Variants in CD96 observed in about 807,000 individuals in gnomAD.
CD96 encodes the protein CD96 molecule, also known as T-cell surface protein tactile.
CD96 carries 70 observed loss-of-function variants against 71.3 expected under a neutral mutation model. The observed-to-expected ratio is 0.98, with a 90% CI of 0.81 to 1.20. The LOEUF (loss-of-function observed/expected upper bound fraction) is 1.20. CD96 is among the 50% of genes most tolerant of loss of function. The pLI, the probability that CD96 is intolerant of heterozygous loss-of-function variation, is 0.00. For synonymous variants in CD96, 248 were observed against 233.0 expected, an observed-to-expected ratio of 1.06 and a Z score of -0.59; for missense variants, 742 against 677.5, an observed-to-expected ratio of 1.10 and a Z score of -1.06.
intron 3 of CD96, among the ~76,000 whole-genome samples, chr3:111,574,129 T>C (rs532610001): frequency 6.6e-6 from 1 of 152,318 alleles, no homozygotes; most frequent in Non-Finnish European, 1.5e-5. Flanking sequence ...GAATGAGCTC[T>C]GTACACTCAG....
intron 3 of CD96, among the ~76,000 whole-genome samples, chr3:111,571,907 A>G (rs1391691118): frequency 1.3e-5 from 2 of 152,166 alleles, no homozygotes; most frequent in Non-Finnish European, 2.9e-5. Flanking sequence ...AAATAAGTGG[A>G]GGGAACAAAC....
At chr3:111,653,104 A>G (rs1940145945), downstream of CD96, among the ~76,000 whole-genome samples, 1 of 152,186 alleles carries the variant, frequency 6.6e-6, no homozygotes, top group South Asian at 2.1e-4. Flanking sequence ...TATCATGGGC[A>G]CGACTAACCC....
intron 10 of CD96, among the ~76,000 whole-genome samples, chr3:111,625,011 G>C (rs1026513031): frequency 2.0e-5 from 3 of 152,212 alleles, no homozygotes; most frequent in African/African-American, 7.2e-5. Context: ...TAAGGAAGGA[G>C]GCTGGAGCAA....
chr3:111,562,679 A>C (rs1935511198), intron 2 of CD96, among the ~76,000 whole-genome samples: 1 of 152,218 alleles, frequency 6.6e-6, no homozygotes, highest in Non-Finnish European at 1.5e-5. Context: ...CTCTTTATGC[A>C]TAGATTTGTG....
At chr3:111,637,147 G>A (rs1356541130) in intron 10 of CD96, 49 bp from the exon 11 acceptor site, 2 of 920,294 alleles carry the variant, frequency 2.2e-6, no homozygotes, top group African/African-American at 3.3e-5. Flanking sequence ...TCAAGAAGTG[G>A]TAATATAGTC....
intron 13 of CD96, 50 bp from the exon 14 acceptor site, chr3:111,649,648 A>C (rs765640469): frequency 4.7e-6 from 5 of 1,073,190 alleles, no homozygotes; most frequent in East Asian, 4.7e-5. Flanking sequence ...GTGTGTGTGC[A>C]TAAGACTCCC....
At chr3:111,570,642 T>C in intron 3 of CD96, 3 of 1,605,094 alleles carry the variant, frequency 1.9e-6, no homozygotes, top group Middle Eastern at 1.7e-4. Context: ...AGCTCACACG[T>C]ACATGGCCCG....
rs1441131053 is a variant in CD96 at position 111,650,009 on chromosome 3, G to A, written c.*203G>A. 5.0e-6 allele frequency: 3 copies of A among 602,728 alleles called. No homozygotes were observed. In the African/African-American group the frequency reaches 5.5e-5, roughly 11 times the overall value. The allele number at this position is 602,728 out of a possible 1,614,324, so 37.3% of individuals were successfully genotyped here. On this transcript the variant is annotated 3_prime_UTR_variant, in exon 14 of 14. Transcript: ENST00000352690. ...AGCTTAACCAAGAGTGAGAGGATAT[G>A]TCATGTTCACACTCAATGCAATTCG...
At chr3:111,649,242 G>A (rs545132719) in intron 13 of CD96, among the ~76,000 whole-genome samples, 95 of 152,202 alleles carry the variant, frequency 6.2e-4, no homozygotes, top group Non-Finnish European at 1.2e-3. Context: ...GTCATGGAGA[G>A]TATCAGTTCT....
At chr3:111,665,741 A>G (rs1940464517) in exon 15 of CD96, 1 of 152,170 alleles carries the variant, frequency 6.6e-6, no homozygotes, top group Non-Finnish European at 1.5e-5. Context: ...TTTTGTTGCT[A>G]CTTTAGTAGA....
chr3:111,602,693 C>A (rs978590688), intron 7 of CD96, among the ~76,000 whole-genome samples: 1 of 152,092 alleles, frequency 6.6e-6, no homozygotes, highest in African/African-American at 2.4e-5. Context: ...GATGGTACTG[C>A]CGGATGCTTT....
chr3:111,558,075 G>A (rs1252226336), intron 2 of CD96, among the ~76,000 whole-genome samples: 17 of 148,634 alleles, frequency 1.1e-4, no homozygotes, highest in African/African-American at 4.2e-4. Context: ...AGACTTTGCT[G>A]AAGTTGCTTA....
At chr3:111,593,309 T>C in intron 5 of CD96, 1 of 402,628 alleles carries the variant, frequency 2.5e-6, no homozygotes, top group Non-Finnish European at 4.3e-6. Flanking sequence ...GTAGAAGCAT[T>C]TATCTTTAAT....
At chr3:111,599,416 A>T (rs1189320471) in intron 6 of CD96, among the ~76,000 whole-genome samples, 1 of 152,170 alleles carries the variant, frequency 6.6e-6, no homozygotes, top group Non-Finnish European at 1.5e-5. Context: ...AATTCTAAAA[A>T]TATAGGTTAA....
chr3:111,649,622 C>T, intron 13 of CD96, 76 bp from the exon 14 acceptor site: 1 of 904,268 alleles, frequency 1.1e-6, no homozygotes, highest in Admixed American at 1.7e-5. Flanking sequence ...TTTAAAGAAA[C>T]AACACATGTC....
chr3:111,617,740 A>C (rs866255801), intron 8 of CD96, among the ~76,000 whole-genome samples: 5 of 152,156 alleles, frequency 3.3e-5, no homozygotes, highest in Admixed American at 6.5e-5. Flanking sequence ...GGGGCGAGAC[A>C]AGAACTTGGG....
At chr3:111,622,244 C>G (rs1015557267) in intron 8 of CD96, among the ~76,000 whole-genome samples, 1 of 152,108 alleles carries the variant, frequency 6.6e-6, no homozygotes, top group African/African-American at 2.4e-5. Context: ...CCAGAAAGAC[C>G]AAGGTAAATG....
chr3:111,593,818 C>T (rs539118291), intron 5 of CD96: 3 of 1,614,168 alleles, frequency 1.9e-6, no homozygotes, highest in Admixed American at 1.7e-5. Context: ...GGAGCTGGGG[C>T]CCGTGGGGCC....
At chr3:111,588,633 G>A (rs2107611752) in intron 5 of CD96, among the ~76,000 whole-genome samples, 1 of 152,124 alleles carries the variant, frequency 6.6e-6, no homozygotes. Flanking sequence ...ACCCAAGACT[G>A]GGTAATTTAT....
Sources: allele counts gnomAD v4.1 joint callset (sites outside exome capture counted in the v4.1 genomes callset), GRCh38; gene constraint gnomAD v4.1.1; transcripts MANE v1.5; gene names NCBI Gene and HGNC (gene_info 2026-07-23, HGNC 2026-07-21).